The following CDYL variants were observed in gnomAD, a reference collection of about 807,000 sequenced individuals.
The protein encoded by CDYL is chromodomain Y like, also known as chromodomain Y-like protein.
A neutral mutation model predicts 47.3 loss-of-function variants in CDYL; 8 were observed. That is an observed-to-expected ratio of 0.17 (90% CI 0.10 to 0.31). The LOEUF (loss-of-function observed/expected upper bound fraction) is 0.31, where lower values mean the gene tolerates loss of function less well. Ranked by LOEUF, CDYL falls within the 10% of genes least tolerant of loss-of-function variation. The pLI is 1.00. For synonymous variants in CDYL, 266 were observed against 265.0 expected, an observed-to-expected ratio of 1.00 and a Z score of -0.04; for missense variants, 471 against 701.4, an observed-to-expected ratio of 0.67 and a Z score of 3.71.
chr6:4,940,268 A>G (rs565978217), intron 4 of CDYL, among the ~76,000 whole-genome samples: 7 of 152,318 alleles, frequency 4.6e-5, no homozygotes, highest in African/African-American at 1.4e-4. Context: ...ATGTGACTAT[A>G]TTTTTGTCAA....
chr6:4,879,556 T>TGG (rs1761708322), intron 1 of CDYL, among the ~76,000 whole-genome samples: 2 of 143,484 alleles, frequency 1.4e-5, no homozygotes, highest in Admixed American at 6.9e-5. Flanking sequence ...TGTGGGGTTT[T>TGG]TTTTTTTTTT....
chr6:4,829,152 G>T (rs1461469640), intron 1 of CDYL, among the ~76,000 whole-genome samples: 1 of 150,766 alleles, frequency 6.6e-6, no homozygotes, highest in Non-Finnish European at 1.5e-5. Flanking sequence ...TGGGGTTTTT[G>T]TTGTTGTTAC....
intron 1 of CDYL, among the ~76,000 whole-genome samples, chr6:4,859,867 C>T (rs1448041386): frequency 6.6e-6 from 1 of 151,888 alleles, no homozygotes; most frequent in Non-Finnish European, 1.5e-5. Context: ...TTTGCCAACA[C>T]AAACACAGTT....
At chr6:4,893,113 T>G (rs986824800) in intron 2 of CDYL, among the ~76,000 whole-genome samples, 2 of 152,252 alleles carry the variant, frequency 1.3e-5, no homozygotes, top group Non-Finnish European at 2.9e-5. Flanking sequence ...GCCTCATGAC[T>G]TCTCACCTGC....
chr6:4,750,821 G>T (rs1757975649), intron 3 of CDYL, among the ~76,000 whole-genome samples: 1 of 150,688 alleles, frequency 6.6e-6, no homozygotes, highest in Non-Finnish European at 1.5e-5. Context: ...CAGATATTTG[G>T]CTTTGAGCAA....
intron 2 of CDYL, among the ~76,000 whole-genome samples, chr6:4,918,560 A>G (rs115340093): frequency 2.0e-5 from 3 of 152,322 alleles, no homozygotes; most frequent in Non-Finnish European, 2.9e-5. Flanking sequence ...TAGGATTGAT[A>G]TTGCGTAGTA....
At chr6:4,783,417 C>CTT (rs1554097730) in intron 1 of CDYL, among the ~76,000 whole-genome samples, 137 of 137,424 alleles carry the variant, frequency 1.0e-3, no homozygotes, top group African/African-American at 3.2e-3. Flanking sequence ...ATTCTTGAGA[C>CTT]TTTTTTTTTT....
intron 1 of CDYL, among the ~76,000 whole-genome samples, chr6:4,815,072 C>T (rs1759634180): frequency 6.7e-6 from 1 of 150,310 alleles, no homozygotes. Flanking sequence ...ATTTTTAAAG[C>T]TGCCAGTAGG....
Position 4,776,672 on chromosome 6 carries a change from CG to C in CDYL, c.-109del. On this transcript the variant is annotated 5_prime_UTR_variant, in exon 1 of 7. Coordinates refer to ENST00000397588, the MANE Select transcript of CDYL (RefSeq NM_004824.4). ...TCCGTGCCCAGCGCCCGGCCGGCCG[CG>C]GGAGCAGGAAGCGCAGGCCACGCAG... The C allele has an allele frequency of 1.0e-6, 1 of 976,982 alleles. No individual in the cohort carries two copies. Among genetic ancestry groups the C allele is most frequent in the East Asian group, 5.3e-5 (1 of 18,786 alleles). 60.5% of individuals were successfully genotyped at this position (976,982 alleles called of 1,614,324 possible).
At chr6:4,787,130 T>G (rs1400647754) in intron 1 of CDYL, among the ~76,000 whole-genome samples, 1 of 152,236 alleles carries the variant, frequency 6.6e-6, no homozygotes, top group Non-Finnish European at 1.5e-5. Context: ...CAGGACAGAC[T>G]TCTGGGATTC....
At chr6:4,915,019 A>G (rs1757516842) in intron 2 of CDYL, among the ~76,000 whole-genome samples, 1 of 152,186 alleles carries the variant, frequency 6.6e-6, no homozygotes, top group Admixed American at 6.5e-5. Flanking sequence ...GCATGTGAGA[A>G]CACACATCTC....
chr6:4,914,424 G>A (rs1757499777), intron 2 of CDYL, among the ~76,000 whole-genome samples: 1 of 152,084 alleles, frequency 6.6e-6, no homozygotes. Context: ...CAGTCCACAC[G>A]CAGCCTCTTG....
At chr6:4,821,257 A>ATTTTTTTTTTT (rs1561653727) in intron 1 of CDYL, among the ~76,000 whole-genome samples, 1 of 125,482 alleles carries the variant, frequency 8.0e-6, no homozygotes, top group African/African-American at 3.2e-5. Context: ...TCATATGGGA[A>ATTTTTTTTTTT]TTCTTTTTTT....
At chr6:4,826,795 A>G (rs373542232) in intron 1 of CDYL, among the ~76,000 whole-genome samples, 1 of 152,234 alleles carries the variant, frequency 6.6e-6, no homozygotes, top group Non-Finnish European at 1.5e-5. Flanking sequence ...TATGCACTTA[A>G]GAAGGTATAT....
intron 2 of CDYL, among the ~76,000 whole-genome samples, chr6:4,926,299 G>A (rs75146162): frequency 0.038 from 5,829 of 152,192 alleles, 152 homozygotes; most frequent in Middle Eastern, 0.068. Flanking sequence ...TAGGTGAATA[G>A]GATTACGTTC....
intron 1 of CDYL, among the ~76,000 whole-genome samples, chr6:4,870,987 T>G (rs542897645): frequency 6.6e-6 from 1 of 152,374 alleles, no homozygotes; most frequent in East Asian, 1.9e-4. Context: ...CTAGGCAAAC[T>G]TAGTTTCCAC....
chr6:4,775,205 G>C (rs915932284), upstream of CDYL: 4 of 152,904 alleles, frequency 2.6e-5, no homozygotes, highest in African/African-American at 9.6e-5. The surrounding 1 kb of genome is among the most constrained non-coding windows in gnomAD (Gnocchi z 7.0). Context: ...AGGGCTTCCC[G>C]ATGCAGGGCC....
chr6:4,936,143 A>G (rs915200936), intron 3 of CDYL, among the ~76,000 whole-genome samples: 1 of 152,192 alleles, frequency 6.6e-6, no homozygotes, highest in Non-Finnish European at 1.5e-5. Flanking sequence ...AGCTTTCATC[A>G]GATCCTTAAA....
At chr6:4,890,282 A>T (rs1762006612) in intron 1 of CDYL, among the ~76,000 whole-genome samples, 1 of 152,220 alleles carries the variant, frequency 6.6e-6, no homozygotes. Context: ...AAATTGAAAT[A>T]CACCCTCATA....
Sources: allele counts gnomAD v4.1 joint callset (sites outside exome capture counted in the v4.1 genomes callset), GRCh38; gene constraint gnomAD v4.1.1; non-coding constraint Gnocchi (gnomAD v3.1); transcripts MANE v1.5; gene names NCBI Gene and HGNC (gene_info 2026-07-23, HGNC 2026-07-21).